The following DOCK6 variants were observed in gnomAD, a reference collection of about 807,000 sequenced individuals.
DOCK6 encodes the protein dedicator of cytokinesis 6, also known as dedicator of cytokinesis protein 6.
DOCK6 carries 167 observed loss-of-function variants against 230.3 expected under a neutral mutation model. That is an observed-to-expected ratio of 0.73 (90% CI 0.64 to 0.82). The LOEUF is 0.82. DOCK6 is among the 40% of genes least tolerant of loss of function. DOCK6 has a pLI of 0.00. For synonymous variants in DOCK6, 1,148 were observed against 1,185.0 expected (o/e 0.97, Z 0.64); for missense variants, 2,598 against 2,825.8 (o/e 0.92, Z 1.83).
chr19:11,204,760 T>G (rs2079229449), intron 39 of DOCK6, among the ~76,000 whole-genome samples: 1 of 152,160 alleles, frequency 6.6e-6, no homozygotes, highest in Non-Finnish European at 1.5e-5. Flanking sequence ...CTAGTTGGTC[T>G]TGAACTCCTG....
chr19:11,240,700 C>T (rs1004934989), intron 14 of DOCK6, among the ~76,000 whole-genome samples: 2 of 151,788 alleles, frequency 1.3e-5, no homozygotes, highest in African/African-American at 4.8e-5. Flanking sequence ...CTGCCTCAGC[C>T]TCCTGAGTAG....
intron 37 of DOCK6, among the ~76,000 whole-genome samples, chr19:11,210,153 A>AC (rs2079351916): frequency 1.2e-5 from 1 of 85,322 alleles, no homozygotes; most frequent in Non-Finnish European, 2.4e-5. Context: ...TCACCTGTCC[A>AC]CCCCTCACCT....
chr19:11,252,997 G>C (rs771047216), intron 2 of DOCK6, 39 bp from the exon 3 acceptor site: 1 of 1,559,236 alleles, frequency 6.4e-7, no homozygotes, highest in African/African-American at 1.4e-5. Context: ...CACTACCTAG[G>C]AGGCTGAGAG....
At position 11,219,067 on chromosome 19, in the gene DOCK6, TG is replaced by T. The variant is rs1234258565; in HGVS notation, c.3551-1677del. Among the ~76,000 whole-genome samples the T allele has an allele frequency of 4.0e-5, 6 of 149,438 alleles. No homozygotes were observed. The East Asian group carries it at 1.2e-3, about 30-fold the overall frequency. On this transcript the variant is annotated intron_variant, in intron 28 of 47. Coordinates refer to ENST00000294618, the MANE Select transcript of DOCK6 (RefSeq NM_020812.4). ...CTAATTTTTGTATTTTTAGTAGAGA[TG>T]GGGTTTCACTATGTTGGCCAGGCTG...
rs143466522 is a variant in DOCK6, at chr19:11,207,796, G to A, written c.5088+890C>T. Among the ~76,000 whole-genome samples the A allele has an allele frequency of 5.7e-3, 866 of 151,830 alleles. 2 individuals carry two copies. Among genetic ancestry groups the A allele is most frequent in the Admixed American group, 7.6e-3 (116 of 15,236 alleles). ...ATACAAAAAATTAGCCGGACATAGT[G>A]ATGTGTGCCTGTAGTCCCAGCTACT... On this transcript the variant is annotated intron_variant, in intron 39 of 47. Transcript: ENST00000294618.
rs527383547 is a variant in DOCK6 at position 11,236,431 on chromosome 19, G to T, written c.2307C>A (p.Pro769=). Residue 769 remains proline (P), a synonymous_variant, in exon 20 of 48, where the codon CCC becomes CCA. Transcript: ENST00000294618. The surrounding 1 kb of genome is among the most constrained non-coding windows in gnomAD (Gnocchi z 5.2). ...GGTGGGAGAAGGCCACAAGGGGTTC[G>T]GGGCTGGCCAGGCGCAGTGCTGCAA... is the stretch of plus-strand genomic sequence containing the variant. The part of the protein sequence containing the change: ...ASLAALRLAS[P]EPLVAFSHHV... The T allele has an allele frequency of 1.1e-5, 17 of 1,589,768 alleles. No individual in the cohort carries two copies. Among genetic ancestry groups the T allele is most frequent in the Middle Eastern group, 1.7e-4 (1 of 6,008 alleles).
chr19:11,225,627 G>A (rs184588148), intron 24 of DOCK6, among the ~76,000 whole-genome samples: 23 of 152,104 alleles, frequency 1.5e-4, no homozygotes, highest in Admixed American at 5.9e-4. Context: ...AGGAGTTTGA[G>A]GCTACAGTGA....
rs766894749 is a variant in DOCK6 at position 11,200,761 on chromosome 19, C to T, written c.5894G>A (p.Arg1965Gln). 8.7e-6 allele frequency: 14 copies of T among 1,613,644 alleles called. No individual in the cohort carries two copies. Among genetic ancestry groups the T allele is most frequent in the Admixed American group, 3.3e-5 (2 of 60,000 alleles). The change falls in exon 46 of 48, where the codon CGG (arginine) becomes CAG (glutamine). Residue 1965 changes from arginine (R) to glutamine (Q), a missense_variant. Arg to Gln is a conservative substitution (Grantham distance 43). Transcript: ENST00000294618. This position sits in a 1 kb window ranked among gnomAD's most constrained non-coding sequence, Gnocchi z 4.3. ...AEIPEDPKLF[R>Q]HHNKLRLCFK... Reference sequence around the variant, plus strand: ...GCAGAGCCGCAATTTGTTGTGATGCCGGAAGAGCTTGGGGTCTTCCGGGAT... The same window carrying T: ...GCAGAGCCGCAATTTGTTGTGATGCTGGAAGAGCTTGGGGTCTTCCGGGAT...
chr19:11,243,518 T>C lies in DOCK6; in HGVS notation c.1258+39A>G, dbSNP rs755853668. 22 of 1,539,798 alleles carry C rather than the reference T, an allele frequency of 1.4e-5. No individual in the cohort carries two copies. The highest frequency in any genetic ancestry group is 1.8e-5 in the Non-Finnish European group (21 of 1,141,678). On this transcript the variant is annotated intron_variant, in intron 11 of 47. Coordinates refer to ENST00000294618, the MANE Select transcript of DOCK6 (RefSeq NM_020812.4). This position sits in a 1 kb window ranked among gnomAD's most constrained non-coding sequence, Gnocchi z 6.3. ...CGCCCCAGGCCTGTCAGCACCACCC[T>C]TTAGCCCCGCCCCAAGCCTGTTAGC... is the stretch of plus-strand genomic sequence containing the variant.
At position 11,237,634 on chromosome 19, in the gene DOCK6, G is replaced by A. The variant is rs377224961; in HGVS notation, c.1971+7C>T. 90 of 1,592,712 alleles carry A rather than the reference G, an allele frequency of 5.7e-5. 1 individual carries two copies. The highest frequency in any genetic ancestry group is 6.8e-5 in the Non-Finnish European group (79 of 1,170,354). ...GCTCAGGGGGAGGGAGGGAGGGGAC[G>A]GCTCACAGTAAAGCCCACGGGTGTC... On this transcript the variant is annotated splice_region_variant and intron_variant, in intron 17 of 47. Coordinates refer to ENST00000294618, the MANE Select transcript of DOCK6 (RefSeq NM_020812.4).
In DOCK6 at chr19:11,243,904, C is replaced by A; in HGVS notation, c.1024-22G>T. ...CCAACTGCGGGGCAGATGAATGAAT[C>A]CAGTGAGGCGCTGCCCGAACGCTCT... On this transcript the variant is annotated intron_variant, in intron 9 of 47. Transcript: ENST00000294618. This position sits in a 1 kb window ranked among gnomAD's most constrained non-coding sequence, Gnocchi z 6.3. The A allele has an allele frequency of 1.9e-6, 3 of 1,593,322 alleles. No individual in the cohort carries two copies. Among genetic ancestry groups the A allele is most frequent in the Admixed American group, 3.5e-5 (2 of 56,406 alleles).
chr19:11,229,049 C>G lies in DOCK6; in HGVS notation c.2719-14G>C. On this transcript the variant is annotated splice_polypyrimidine_tract_variant and intron_variant, in intron 22 of 47. Transcript: ENST00000294618. ...CTCGTGAAGCAGCTGGGGACAGAGGCAGGGGTCACAGAGTGCGAGGTGCCA... is the reference window on the plus strand; with the variant it reads ...CTCGTGAAGCAGCTGGGGACAGAGGGAGGGGTCACAGAGTGCGAGGTGCCA... 1 of 1,611,948 alleles carries G rather than the reference C, an allele frequency of 6.2e-7. No homozygotes were observed. The highest frequency in any genetic ancestry group is 8.5e-7 in the Non-Finnish European group (1 of 1,178,890).
chr19:11,229,202 G>T, intron 22 of DOCK6, 167 bp from the exon 23 acceptor site: 1 of 1,285,890 alleles, frequency 7.8e-7, no homozygotes, highest in Non-Finnish European at 1.0e-6. Context: ...CCCTGGGCTC[G>T]CCAGACCCCC....
Position 11,215,874 on chromosome 19 carries a change from A to G in DOCK6, c.3948T>C (p.Asp1316=), listed in dbSNP as rs757680121. ...TGGCTTCCTCTAGCCGCGCCTTCATATCCAGAGATTTTTTGAATGTGAGGC... is the reference window on the plus strand; with the variant it reads ...TGGCTTCCTCTAGCCGCGCCTTCATGTCCAGAGATTTTTTGAATGTGAGGC... ...INSLTFKKSL[D]MKARLEEAIL... Residue 1316 remains aspartate (D), a synonymous_variant, in exon 31 of 48, where the codon GAT becomes GAC. Coordinates refer to ENST00000294618, the MANE Select transcript of DOCK6 (RefSeq NM_020812.4). 1.1e-5 allele frequency: 18 copies of G among 1,613,770 alleles called. No individual in the cohort carries two copies. In the South Asian group the frequency reaches 1.9e-4, roughly 17 times the overall value.
Position 11,200,717 on chromosome 19 carries a change from T to C in DOCK6, c.5938A>G (p.Lys1980Glu). 1 of 1,612,120 alleles carries C rather than the reference T, an allele frequency of 6.2e-7. No individual in the cohort carries two copies. Among genetic ancestry groups the C allele is most frequent in the Non-Finnish European group, 8.5e-7 (1 of 1,179,142 alleles). ...CCTCCTGGGGGGTTTTGCGCCTACT[T>C]CTTGCAGAAGTCCTTGAAGCAGAGC... ...LRLCFKDFCK[K>E]CEDALRKNKA... The change falls in exon 46 of 48, where the codon AAA becomes GAA. Residue 1980 changes from lysine (K) to glutamate (E), a missense_variant and splice_region_variant. Coordinates refer to ENST00000294618, the MANE Select transcript of DOCK6 (RefSeq NM_020812.4). The surrounding 1 kb of genome is among the most constrained non-coding windows in gnomAD (Gnocchi z 4.3).
intron 39 of DOCK6, among the ~76,000 whole-genome samples, chr19:11,207,725 C>T (rs1379515444): frequency 6.6e-6 from 1 of 151,326 alleles, no homozygotes; most frequent in Admixed American, 6.6e-5. Context: ...CTCAGGAGTT[C>T]AAGACCAGCC....
chr19:11,199,686 C>T, intron 47 of DOCK6, 147 bp from the exon 48 acceptor site: 1 of 850,362 alleles, frequency 1.2e-6, no homozygotes, highest in Non-Finnish European at 1.9e-6. Context: ...CTGTGGGATT[C>T]TCCGATTCTC....
intron 6 of DOCK6, among the ~76,000 whole-genome samples, chr19:11,250,110 A>C (rs2080094584): frequency 6.7e-6 from 1 of 148,630 alleles, no homozygotes; most frequent in Non-Finnish European, 1.5e-5. Flanking sequence ...TCCTAGGTTC[A>C]AGTGATTCTC....
chr19:11,230,899 G>A (rs1422048318), intron 22 of DOCK6, among the ~76,000 whole-genome samples: 3 of 151,956 alleles, frequency 2.0e-5, no homozygotes, highest in Non-Finnish European at 2.9e-5. Flanking sequence ...CGCAGGAACA[G>A]GAGGTCTGAT....
Sources: allele counts gnomAD v4.1 joint callset (sites outside exome capture counted in the v4.1 genomes callset), GRCh38; gene constraint gnomAD v4.1.1; non-coding constraint Gnocchi (gnomAD v3.1); transcripts MANE v1.5; gene names NCBI Gene and HGNC (gene_info 2026-07-23, HGNC 2026-07-21).